Variants in GLIS1 observed in about 807,000 individuals in gnomAD.
The protein encoded by GLIS1 is GLIS family zinc finger 1, also known as zinc finger protein GLIS1.
A neutral mutation model predicts 63.8 loss-of-function variants in GLIS1; 24 were observed. The ratio of observed to expected loss-of-function variants is 0.38; its 90% CI spans 0.27 to 0.53. The LOEUF (loss-of-function observed/expected upper bound fraction) is 0.53, where lower values mean the gene tolerates loss of function less well. Ranked by LOEUF, GLIS1 falls within the 20% of genes least tolerant of loss-of-function variation. The pLI, the probability that GLIS1 is intolerant of heterozygous loss-of-function variation, is 0.85. For missense variants in GLIS1, 1,036 were observed against 1,074.1 expected (o/e 0.96, Z 0.50); for synonymous variants, 450 against 482.5 (o/e 0.93, Z 0.88).
intron 2 of GLIS1, among the ~76,000 whole-genome samples, chr1:53,634,707 G>A (rs980195741): frequency 2.6e-5 from 4 of 152,072 alleles, no homozygotes; most frequent in Admixed American, 1.3e-4. Flanking sequence ...CTGCAGCTGC[G>A]GCCAATTGAA....
At chr1:53,579,356 G>A (rs758441084) in intron 4 of GLIS1, among the ~76,000 whole-genome samples, 5 of 152,288 alleles carry the variant, frequency 3.3e-5, no homozygotes, top group East Asian at 1.9e-4. Flanking sequence ...GCATTCTCAC[G>A]ACCGTGCCAG....
chr1:53,531,642 C>T (rs1383469378), intron 4 of GLIS1, among the ~76,000 whole-genome samples: 1 of 152,140 alleles, frequency 6.6e-6, no homozygotes, highest in Non-Finnish European at 1.5e-5. Flanking sequence ...TGTAGAGAGC[C>T]CATGTGGGAG....
intron 2 of GLIS1, chr1:53,734,225 G>A (rs1422475645): frequency 5.1e-6 from 5 of 980,350 alleles, no homozygotes; most frequent in Non-Finnish European, 6.1e-6. Flanking sequence ...GTGAGTCACT[G>A]TAAATTAAAT....
At chr1:53,670,420 C>T (rs1646138830) in intron 2 of GLIS1, among the ~76,000 whole-genome samples, 1 of 152,220 alleles carries the variant, frequency 6.6e-6, no homozygotes, top group Non-Finnish European at 1.5e-5. Context: ...CATTGTCTTA[C>T]CAAGAAGACT....
chr1:53,714,405 AT>A (rs1646676724), intron 2 of GLIS1, among the ~76,000 whole-genome samples: 1 of 152,242 alleles, frequency 6.6e-6, no homozygotes, highest in South Asian at 2.1e-4. Flanking sequence ...GTATTAAAAA[AT>A]AAAAGTACTT....
intron 2 of GLIS1, among the ~76,000 whole-genome samples, chr1:53,721,250 T>C (rs1646751173): frequency 6.6e-6 from 1 of 152,020 alleles, no homozygotes; most frequent in Non-Finnish European, 1.5e-5. Flanking sequence ...TTATTTAGGG[T>C]GGCCTAATCC....
intron 2 of GLIS1, among the ~76,000 whole-genome samples, chr1:53,677,188 AGAGT>A (rs1236257620): frequency 1.3e-5 from 2 of 152,232 alleles, no homozygotes; most frequent in Admixed American, 6.5e-5. Flanking sequence ...TTCCATCAAC[AGAGT>A]GAGTGTGTAG....
chr1:53,648,589 C>T (rs1014444378), intron 2 of GLIS1, among the ~76,000 whole-genome samples: 15 of 152,116 alleles, frequency 9.9e-5, no homozygotes, highest in African/African-American at 3.6e-4. Flanking sequence ...TGGTCAAAAA[C>T]TGGAAACAAC....
At chr1:53,654,922 T>A (rs945482091) in intron 2 of GLIS1, among the ~76,000 whole-genome samples, 1 of 152,016 alleles carries the variant, frequency 6.6e-6, no homozygotes, top group Non-Finnish European at 1.5e-5. Flanking sequence ...AAGAGGGAAG[T>A]GGGTTGAGAG....
At chr1:53,660,757 G>A (rs1646018434) in intron 2 of GLIS1, among the ~76,000 whole-genome samples, 2 of 152,134 alleles carry the variant, frequency 1.3e-5, no homozygotes, top group African/African-American at 4.8e-5. Flanking sequence ...CTGGCTGGAT[G>A]GGGGCTCTCC....
chr1:53,653,416 C>T (rs11802941), intron 2 of GLIS1, among the ~76,000 whole-genome samples: 6,532 of 152,134 alleles, frequency 0.043, 462 homozygotes, highest in African/African-American at 0.14. Context: ...CATCACAGCC[C>T]GGCGACCCCT....
In GLIS1 at chr1:53,520,777, A is replaced by C. The variant is rs765748432; in HGVS notation, c.1594-11T>G. On this transcript the variant is annotated splice_polypyrimidine_tract_variant and intron_variant, in intron 6 of 10. Transcript: ENST00000628545. ...AGGGCCCGCATGCAGCTGGGGAGCA[A>C]GCAGAGGGAAAGGAGGTGTTAGTGT... 17 of 1,599,460 alleles carry C rather than the reference A, an allele frequency of 1.1e-5. No individual in the cohort carries two copies. In the South Asian group the frequency reaches 1.9e-4, roughly 18 times the overall value.
At position 53,534,787 on chromosome 1, in the gene GLIS1, C is replaced by T. The variant is rs556073309; in HGVS notation, c.1321-4835G>A. Among the ~76,000 whole-genome samples the T allele has an allele frequency of 6.6e-5, 10 of 152,160 alleles. No individual in the cohort carries two copies. In the East Asian group the frequency reaches 1.9e-3, roughly 29 times the overall value. On this transcript the variant is annotated intron_variant, in intron 4 of 10. Transcript: ENST00000628545. ...CTTATCCTCCTGCCTCACTCAGCTG[C>T]CCCTCTGTGTGCCTGGCAGTGTGCT...
chr1:53,550,569 T>C (rs924911362), intron 4 of GLIS1, among the ~76,000 whole-genome samples: 1 of 152,212 alleles, frequency 6.6e-6, no homozygotes, highest in Non-Finnish European at 1.5e-5. Context: ...TTATGAACTA[T>C]GAGTGGCGGA....
chr1:53,605,120 TA>T (rs1645357410), intron 2 of GLIS1, among the ~76,000 whole-genome samples: 1 of 152,104 alleles, frequency 6.6e-6, no homozygotes, highest in African/African-American at 2.4e-5. Context: ...CCTGCATCTG[TA>T]AAATGGGGAG....
At chr1:53,738,439 C>A (rs149092163) in intron 1 of GLIS1, among the ~76,000 whole-genome samples, 2 of 152,166 alleles carry the variant, frequency 1.3e-5, no homozygotes. Context: ...GCGGGTAAGG[C>A]GCCTGTTCCG....
chr1:53,537,048 G>A (rs1644588413), intron 4 of GLIS1, among the ~76,000 whole-genome samples: 1 of 152,230 alleles, frequency 6.6e-6, no homozygotes, highest in African/African-American at 2.4e-5. Flanking sequence ...ATTGAAAAAT[G>A]TCCACTGCAA....
chr1:53,674,195 GA>G (rs1250555051), intron 2 of GLIS1, among the ~76,000 whole-genome samples: 7 of 145,846 alleles, frequency 4.8e-5, no homozygotes, highest in East Asian at 4.0e-4. Context: ...AAAAAGAAAA[GA>G]AAAAAAAATC....
intron 7 of GLIS1, 37 bp downstream of exon 7, chr1:53,520,597 G>A (rs767910426): frequency 6.4e-7 from 1 of 1,566,284 alleles, no homozygotes; most frequent in Non-Finnish European, 8.6e-7. Context: ...GGCCCCTCCT[G>A]GGCTACGCCC....
Sources: gnomAD v4.1 joint callset for allele counts (sites outside exome capture counted in the v4.1 genomes callset) on GRCh38, gnomAD v4.1.1 for gene constraint, MANE v1.5 for transcripts, NCBI Gene and HGNC (gene_info 2026-07-23, HGNC 2026-07-21) for gene names.